The following GREM2 variants were observed in gnomAD, a reference collection of about 807,000 sequenced individuals.
GREM2 encodes gremlin 2, DAN family BMP antagonist, also known as gremlin-2.
GREM2 carries 11 observed loss-of-function variants against 14.2 expected under a neutral mutation model. That is an observed-to-expected ratio of 0.78 (90% CI 0.49 to 1.28). The LOEUF (loss-of-function observed/expected upper bound fraction) is 1.28. GREM2 is among the 50% of genes most tolerant of loss of function. The pLI is 0.00. For missense variants in GREM2, 210 were observed against 218.5 expected (o/e 0.96, Z 0.24); for synonymous variants, 98 against 97.6 (o/e 1.00, Z -0.02).
chr1:240,522,584 C>T (rs1678125724), intron 1 of GREM2, among the ~76,000 whole-genome samples: 1 of 152,178 alleles, frequency 6.6e-6, no homozygotes, highest in South Asian at 2.1e-4. Flanking sequence ...TCTATGTTAT[C>T]AGTTCCTTTT....
intron 1 of GREM2, among the ~76,000 whole-genome samples, chr1:240,516,836 G>A (rs1238854816): frequency 6.6e-6 from 1 of 152,118 alleles, no homozygotes; most frequent in Admixed American, 6.5e-5. Context: ...CTGTTATCAT[G>A]CCCAGTGTGA....
At chr1:240,522,921 T>TA (rs74595071) in intron 1 of GREM2, among the ~76,000 whole-genome samples, 22,956 of 152,106 alleles carry the variant, frequency 0.15, 2,169 homozygotes, top group Middle Eastern at 0.26. Context: ...AACACCTTCT[T>TA]AAAAAAAGAT....
intron 1 of GREM2, among the ~76,000 whole-genome samples, chr1:240,516,611 G>A (rs1677962047): frequency 6.6e-6 from 1 of 152,160 alleles, no homozygotes; most frequent in African/African-American, 2.4e-5. Flanking sequence ...TATATACTGT[G>A]TCTCTCCAAA....
intron 1 of GREM2, among the ~76,000 whole-genome samples, chr1:240,520,206 G>A (rs964849855): frequency 6.6e-6 from 1 of 152,126 alleles, no homozygotes; most frequent in Non-Finnish European, 1.5e-5. Flanking sequence ...TTGTGTGTAT[G>A]AGTATGCCAA....
intron 1 of GREM2, among the ~76,000 whole-genome samples, chr1:240,545,857 C>T (rs1177290901): frequency 2.0e-5 from 3 of 152,196 alleles, no homozygotes; most frequent in Non-Finnish European, 4.4e-5. Context: ...CCCTTTGGTG[C>T]ATCCGGAGCA....
chr1:240,539,791 A>G (rs1178314965), intron 1 of GREM2, among the ~76,000 whole-genome samples: 1 of 152,226 alleles, frequency 6.6e-6, no homozygotes, highest in Non-Finnish European at 1.5e-5. Context: ...AGTAATCTAC[A>G]TCTCTGAATT....
At chr1:240,611,704 T>C (rs1680139126) in intron 1 of GREM2, among the ~76,000 whole-genome samples, 180 bp downstream of exon 1, 1 of 152,166 alleles carries the variant, frequency 6.6e-6, no homozygotes, top group Admixed American at 6.5e-5. Context: ...ATAAACCTTG[T>C]GGCCCCCAGA....
chr1:240,520,372 C>T (rs567718656), intron 1 of GREM2, among the ~76,000 whole-genome samples: 22 of 152,136 alleles, frequency 1.4e-4, no homozygotes, highest in Non-Finnish European at 3.1e-4. Context: ...CCACCTCAAC[C>T]TTTACTGTCT....
intron 1 of GREM2, among the ~76,000 whole-genome samples, chr1:240,570,754 G>A (rs1408935915): frequency 6.6e-6 from 1 of 152,170 alleles, no homozygotes; most frequent in African/African-American, 2.4e-5. Flanking sequence ...TTCCAAAAAT[G>A]ATGGTATCAT....
intron 1 of GREM2, among the ~76,000 whole-genome samples, chr1:240,603,206 G>C (rs530664739): frequency 6.6e-6 from 1 of 152,162 alleles, no homozygotes; most frequent in Admixed American, 6.5e-5. Flanking sequence ...CATCAACTGC[G>C]GCCTTGAGCC....
intron 1 of GREM2, among the ~76,000 whole-genome samples, chr1:240,608,733 C>A (rs1036420866): frequency 3.9e-5 from 6 of 152,176 alleles, no homozygotes; most frequent in African/African-American, 1.4e-4. Context: ...TGCCAGGTAG[C>A]ACCAATTCTG....
chr1:240,520,082 A>AAAAATAAAATAAAT (rs1553273671), intron 1 of GREM2, among the ~76,000 whole-genome samples: 3 of 144,246 alleles, frequency 2.1e-5, no homozygotes, highest in Admixed American at 6.9e-5. Flanking sequence ...CTCCATCCCA[A>AAAAATAAAATAAAT]AAAATAAAAT....
rs760165424 is a variant in GREM2 at position 240,543,376 on chromosome 1, A to G, written c.-1-49900T>C. On this transcript the variant is annotated intron_variant, in intron 1 of 1. Transcript: ENST00000318160. The surrounding 1 kb of genome is among the most constrained non-coding windows in gnomAD (Gnocchi z 6.4). ...GGAGGCCTCACAATCAAGGCAGAAG[A>G]CAAATGAGGAGCAAAATCACGTCTT... Among the ~76,000 whole-genome samples the G allele has an allele frequency of 5.9e-5, 9 of 152,242 alleles. No individual in the cohort carries two copies. Among genetic ancestry groups the G allele is most frequent in the Non-Finnish European group, 1.2e-4 (8 of 68,046 alleles).
At chr1:240,554,203 G>A (rs997998208) in intron 1 of GREM2, among the ~76,000 whole-genome samples, 7 of 152,068 alleles carry the variant, frequency 4.6e-5, no homozygotes, top group Non-Finnish European at 8.8e-5. Flanking sequence ...CTGAGCTCAG[G>A]AGTTAGAGAC....
intron 1 of GREM2, among the ~76,000 whole-genome samples, chr1:240,603,125 G>T (rs1423752796): frequency 2.0e-5 from 3 of 152,100 alleles, no homozygotes; most frequent in African/African-American, 7.2e-5. Flanking sequence ...GGTGAATGCG[G>T]TGCGGTGCGG....
chr1:240,500,208 TG>T (rs1487289547), intron 1 of GREM2, among the ~76,000 whole-genome samples: 1 of 152,210 alleles, frequency 6.6e-6, no homozygotes, highest in Non-Finnish European at 1.5e-5. Context: ...CTCACTGAGA[TG>T]ACCAGCATCC....
chr1:240,520,866 T>C (rs1372416893), intron 1 of GREM2, among the ~76,000 whole-genome samples: 2 of 151,934 alleles, frequency 1.3e-5, no homozygotes, highest in Non-Finnish European at 2.9e-5. Flanking sequence ...TTTACATATG[T>C]TTATCTTTTT....
intron 1 of GREM2, among the ~76,000 whole-genome samples, chr1:240,604,335 GTGTA>G (rs1417249650): frequency 6.6e-6 from 1 of 151,286 alleles, no homozygotes; most frequent in Non-Finnish European, 1.5e-5. Context: ...GTGTGTGTGT[GTGTA>G]TAAAATGTAT....
rs1678638681 is a variant in GREM2, at chr1:240,543,265, T to C, written c.-1-49789A>G. Among the ~76,000 whole-genome samples the C allele has an allele frequency of 6.6e-6, 1 of 152,218 alleles. No homozygotes were observed. Among genetic ancestry groups the C allele is most frequent in the Admixed American group, 6.5e-5 (1 of 15,284 alleles). On this transcript the variant is annotated intron_variant, in intron 1 of 1. Coordinates refer to ENST00000318160, the MANE Select transcript of GREM2 (RefSeq NM_022469.4). This position sits in a 1 kb window ranked among gnomAD's most constrained non-coding sequence, Gnocchi z 6.4. Reference sequence around the variant, plus strand: ...TGTTAGGTAATCTATTAGTCTGTCGTCATGCTGCTAATAAAAAGACATACC... The same window carrying C: ...TGTTAGGTAATCTATTAGTCTGTCGCCATGCTGCTAATAAAAAGACATACC...
Sources: allele counts gnomAD v4.1 joint callset (sites outside exome capture counted in the v4.1 genomes callset), GRCh38; gene constraint gnomAD v4.1.1; non-coding constraint Gnocchi (gnomAD v3.1); transcripts MANE v1.5; gene names NCBI Gene and HGNC (gene_info 2026-07-23, HGNC 2026-07-21).